The following PAQR8 variants were observed in gnomAD, a reference collection of about 807,000 sequenced individuals.
The protein encoded by PAQR8 is membrane progestin receptor beta.
Under a neutral mutation model 25.2 loss-of-function variants are expected in PAQR8, and 17 were observed. The observed-to-expected ratio is 0.67, with a 90% confidence interval of 0.46 to 1.01. The LOEUF (loss-of-function observed/expected upper bound fraction) is 1.01, where lower values mean the gene tolerates loss of function less well. Among genes scored for constraint, PAQR8 ranks in the 50% least tolerant of loss-of-function variants. The probability of loss-of-function intolerance (pLI) is 0.00; values close to 1 mark genes in which losing one functional copy is unlikely to be tolerated. For missense variants in PAQR8, 392 were observed against 448.4 expected, an observed-to-expected ratio of 0.87 and a Z score of 1.14; for synonymous variants, 204 against 190.6, an observed-to-expected ratio of 1.07 and a Z score of -0.58.
chr6:52,374,369 C>T (rs931466479), intron 1 of PAQR8, among the ~76,000 whole-genome samples: 16 of 152,102 alleles, frequency 1.1e-4, no homozygotes, highest in African/African-American at 3.4e-4. Context: ...GATATTTACT[C>T]GCTTCTTTCC....
chr6:52,400,144 C>G (rs184720718), intron 1 of PAQR8, among the ~76,000 whole-genome samples: 1 of 152,172 alleles, frequency 6.6e-6, no homozygotes, highest in Admixed American at 6.5e-5. Context: ...TCTTTAATTC[C>G]TACATTGAGC....
chr6:52,376,977 A>C (rs1415313650), intron 1 of PAQR8, among the ~76,000 whole-genome samples: 2 of 152,302 alleles, frequency 1.3e-5, no homozygotes, highest in South Asian at 4.1e-4. Flanking sequence ...ATTTCTGGTA[A>C]CATTGAGTGC....
intron 1 of PAQR8, among the ~76,000 whole-genome samples, chr6:52,377,131 G>A (rs554341398): frequency 1.3e-5 from 2 of 152,094 alleles, no homozygotes; most frequent in African/African-American, 4.8e-5. Flanking sequence ...ATGTTAACTC[G>A]ATGGTAAACT....
chr6:52,391,942 T>C (rs1763713446), intron 1 of PAQR8, among the ~76,000 whole-genome samples: 2 of 152,236 alleles, frequency 1.3e-5, no homozygotes, highest in Admixed American at 1.3e-4. Flanking sequence ...GATTCCAGCA[T>C]GCTGCTTGAT....
intron 1 of PAQR8, among the ~76,000 whole-genome samples, chr6:52,384,192 A>T (rs986442058): frequency 2.0e-5 from 3 of 152,200 alleles, no homozygotes; most frequent in African/African-American, 7.2e-5. Flanking sequence ...TATCAGGAGA[A>T]ATTTGGTTTT....
chr6:52,391,379 ACAAT>A (rs1763707587), intron 1 of PAQR8, among the ~76,000 whole-genome samples: 1 of 152,230 alleles, frequency 6.6e-6, no homozygotes, highest in African/African-American at 2.4e-5. Flanking sequence ...CTTAATTTAC[ACAAT>A]CAAATACTCC....
rs548729909 is a variant in PAQR8 at position 52,393,113 on chromosome 6, C to T, written c.-52-10049C>T. Among the ~76,000 whole-genome samples, 7 of 152,294 alleles carry T rather than the reference C, an allele frequency of 4.6e-5. No individual in the cohort carries two copies. The South Asian group carries it at 1.4e-3, about 32-fold the overall frequency. Reference sequence around the variant, plus strand: ...CAGACTTTAGAGTCAACTGCTTAGTCACCTCCTGGATCTATCACATACTGT... The same window carrying T: ...CAGACTTTAGAGTCAACTGCTTAGTTACCTCCTGGATCTATCACATACTGT... On this transcript the variant is annotated intron_variant, in intron 1 of 1. Transcript: ENST00000442253.
intron 1 of PAQR8, among the ~76,000 whole-genome samples, chr6:52,364,091 T>G (rs1562425354): frequency 6.9e-6 from 1 of 144,130 alleles, no homozygotes; most frequent in African/African-American, 2.6e-5. Flanking sequence ...ATGTTTTTTT[T>G]TTTTTTTTTT....
chr6:52,362,202 C>G lies in PAQR8; in HGVS notation c.-100C>G, dbSNP rs1022243643. On this transcript the variant is annotated 5_prime_UTR_variant, in exon 1 of 2. Coordinates refer to ENST00000442253, the MANE Select transcript of PAQR8 (RefSeq NM_133367.5). The surrounding 1 kb of genome is among the most constrained non-coding windows in gnomAD (Gnocchi z 4.1). ...CGGGACCCCGAGGCGGGAGCGCGGG[C>G]TGGGCCGGGCTGGGCTACGCGCACG... 6.6e-6 allele frequency: 1 copy of G among 151,780 alleles called. No individual in the cohort carries two copies. Among genetic ancestry groups the G allele is most frequent in the Non-Finnish European group, 1.5e-5 (1 of 67,916 alleles). 9.4% of individuals were successfully genotyped at this position (151,780 alleles called of 1,614,324 possible).
intron 1 of PAQR8, among the ~76,000 whole-genome samples, chr6:52,364,518 G>A (rs1410042487): frequency 6.6e-6 from 1 of 152,152 alleles, no homozygotes; most frequent in Non-Finnish European, 1.5e-5. Flanking sequence ...CCCTTCAAAA[G>A]CCTGCTCTTG....
chr6:52,365,114 C>A (rs1244294978), intron 1 of PAQR8, among the ~76,000 whole-genome samples: 1 of 150,516 alleles, frequency 6.6e-6, no homozygotes, highest in Non-Finnish European at 1.5e-5. Flanking sequence ...AACAAAAATA[C>A]AAAAGACTTG....
At chr6:52,374,814 A>G (rs768535735) in intron 1 of PAQR8, among the ~76,000 whole-genome samples, 5 of 151,922 alleles carry the variant, frequency 3.3e-5, no homozygotes, top group Non-Finnish European at 5.9e-5. Flanking sequence ...CATCTTACTC[A>G]TAGAGTTCTA....
intron 1 of PAQR8, among the ~76,000 whole-genome samples, chr6:52,395,501 A>G (rs1038063201): frequency 1.3e-5 from 2 of 152,204 alleles, no homozygotes; most frequent in Non-Finnish European, 2.9e-5. Context: ...AATGTCCTCC[A>G]TGGGCACTTC....
intron 1 of PAQR8, among the ~76,000 whole-genome samples, chr6:52,389,730 T>G (rs1763676527): frequency 6.6e-6 from 1 of 152,246 alleles, no homozygotes; most frequent in Non-Finnish European, 1.5e-5. Flanking sequence ...AACACAGCTT[T>G]CTTTATATGG....
chr6:52,381,491 T>G (rs1454431418), intron 1 of PAQR8, among the ~76,000 whole-genome samples: 4 of 152,196 alleles, frequency 2.6e-5, no homozygotes, highest in Non-Finnish European at 5.9e-5. Context: ...GCCTGTAGTC[T>G]CAACTACTCA....
chr6:52,394,752 C>T lies in PAQR8; in HGVS notation c.-52-8410C>T, dbSNP rs958854768. On this transcript the variant is annotated intron_variant, in intron 1 of 1. Coordinates refer to ENST00000442253, the MANE Select transcript of PAQR8 (RefSeq NM_133367.5). ...CATTAAATGCATTTTCAACTTAAGA[C>T]GTTTTCAACTTAACAATGGGTTTAC... is the stretch of plus-strand genomic sequence containing the variant. Among the ~76,000 whole-genome samples, 6 of 152,118 alleles carry T rather than the reference C, an allele frequency of 3.9e-5. No individual in the cohort carries two copies. The South Asian group carries it at 6.2e-4, about 16-fold the overall frequency.
chr6:52,399,121 GAAGTTA>G (rs1763801937), intron 1 of PAQR8, among the ~76,000 whole-genome samples: 1 of 152,132 alleles, frequency 6.6e-6, no homozygotes, highest in Non-Finnish European at 1.5e-5. Context: ...CTTTTCTTTT[GAAGTTA>G]AAGTTAATAT....
At chr6:52,367,139 G>T (rs1274726091) in intron 1 of PAQR8, among the ~76,000 whole-genome samples, 1 of 152,108 alleles carries the variant, frequency 6.6e-6, no homozygotes, top group African/African-American at 2.4e-5. Context: ...ATTTTTGATT[G>T]TCATACCTGG....
chr6:52,399,637 T>C (rs556632556), intron 1 of PAQR8, among the ~76,000 whole-genome samples: 1 of 152,320 alleles, frequency 6.6e-6, no homozygotes, highest in South Asian at 2.1e-4. Flanking sequence ...CAGACAGGGA[T>C]ACTGGGAGCA....
Sources: gnomAD v4.1 joint callset for allele counts (sites outside exome capture counted in the v4.1 genomes callset) on GRCh38, gnomAD v4.1.1 for gene constraint, Gnocchi (gnomAD v3.1) non-coding constraint, MANE v1.5 for transcripts, NCBI Gene and HGNC (gene_info 2026-07-23, HGNC 2026-07-21) for gene names.